Variants in NRXN3 observed in about 807,000 individuals in gnomAD.
The protein encoded by NRXN3 is neurexin III.
In NRXN3, 32 loss-of-function variants were observed where a neutral mutation model predicts 137.6. That is an observed-to-expected ratio of 0.23 (90% CI 0.18 to 0.31). The LOEUF (loss-of-function observed/expected upper bound fraction) is 0.31, where lower values mean the gene tolerates loss of function less well. Ranked by LOEUF, NRXN3 falls within the 10% of genes least tolerant of loss-of-function variation. The pLI, the probability that NRXN3 is intolerant of heterozygous loss-of-function variation, is 1.00. For missense variants in NRXN3, 1,574 were observed against 2,062.5 expected, an observed-to-expected ratio of 0.76 and a Z score of 4.59; for synonymous variants, 798 against 784.5, an observed-to-expected ratio of 1.02 and a Z score of -0.29.
chr14:78,541,409 C>T (rs2096588344), intron 4 of NRXN3, among the ~76,000 whole-genome samples: 1 of 152,148 alleles, frequency 6.6e-6, no homozygotes, highest in African/African-American at 2.4e-5. Flanking sequence ...ATTGAATCAG[C>T]TATTGAAACT....
intron 15 of NRXN3, among the ~76,000 whole-genome samples, chr14:79,214,718 T>C (rs957537845): frequency 6.6e-6 from 1 of 152,166 alleles, no homozygotes; most frequent in Admixed American, 6.6e-5. Context: ...TTGGTTTCCA[T>C]GGTGTTGTGT....
intron 15 of NRXN3, among the ~76,000 whole-genome samples, chr14:79,256,345 A>G (rs2076585401): frequency 6.6e-6 from 1 of 152,178 alleles, no homozygotes; most frequent in African/African-American, 2.4e-5. Flanking sequence ...CACTACTCCT[A>G]ATCATAATTA....
chr14:78,684,802 C>A (rs930462185), intron 6 of NRXN3, among the ~76,000 whole-genome samples: 1 of 152,176 alleles, frequency 6.6e-6, no homozygotes, highest in African/African-American at 2.4e-5. Flanking sequence ...TCAAAAACAA[C>A]AACAAAATAT....
chr14:78,771,543 A>T (rs771635139), intron 8 of NRXN3, among the ~76,000 whole-genome samples: 20 of 152,178 alleles, frequency 1.3e-4, no homozygotes, highest in Non-Finnish European at 2.5e-4. Context: ...AATGGTCAGA[A>T]TTGGGGAGGT....
intron 1 of NRXN3, among the ~76,000 whole-genome samples, chr14:78,228,159 T>G (rs1159835783): frequency 4.9e-5 from 7 of 143,978 alleles, no homozygotes; most frequent in African/African-American, 1.6e-4. Context: ...TTTTCTTTCT[T>G]TTTTTTTTTT....
chr14:78,191,028 G>A lies in NRXN3; in HGVS notation c.-704+20354G>A, dbSNP rs529579790. Reference sequence around the variant, plus strand: ...TCGATTTGTTTCTAACCAGGTAAGCGTCCTACATAAGGGAAGACAATGAAA... The same window carrying A: ...TCGATTTGTTTCTAACCAGGTAAGCATCCTACATAAGGGAAGACAATGAAA... On this transcript the variant is annotated intron_variant, in intron 1 of 20. Coordinates refer to ENST00000335750, the MANE Select transcript of NRXN3 (RefSeq NM_001330195.2). Among the ~76,000 whole-genome samples the A allele has an allele frequency of 2.0e-4, 30 of 152,184 alleles. No individual in the cohort carries two copies. The South Asian group carries it at 2.5e-3, about 13-fold the overall frequency.
intron 10 of NRXN3, among the ~76,000 whole-genome samples, chr14:78,861,448 AAAAT>A (rs2152528123): frequency 6.6e-6 from 1 of 152,244 alleles, no homozygotes; most frequent in African/African-American, 2.4e-5. Context: ...ATTTCCTTGA[AAAAT>A]AAATAAGAGT....
At chr14:79,484,223 GC>G (rs1428487308) in intron 16 of NRXN3, among the ~76,000 whole-genome samples, 1 of 152,084 alleles carries the variant, frequency 6.6e-6, no homozygotes, top group East Asian at 1.9e-4. Context: ...AGAAACAAAG[GC>G]TTTTCTTTCT....
chr14:78,433,701 G>C (rs2093968163), intron 4 of NRXN3, among the ~76,000 whole-genome samples: 1 of 152,118 alleles, frequency 6.6e-6, no homozygotes, highest in Non-Finnish European at 1.5e-5. Context: ...GCAGCAAGAA[G>C]GCCCTCCCAA....
chr14:79,030,049 C>CTTT (rs779570219), intron 15 of NRXN3, among the ~76,000 whole-genome samples: 4 of 128,058 alleles, frequency 3.1e-5, no homozygotes, highest in Non-Finnish European at 5.1e-5. Context: ...TTCTTTCTTT[C>CTTT]TTTTTTTTTT....
intron 15 of NRXN3, among the ~76,000 whole-genome samples, chr14:79,054,191 A>G (rs1419265815): frequency 1.3e-5 from 2 of 151,188 alleles, no homozygotes; most frequent in Admixed American, 6.6e-5. Context: ...GGATAGCATT[A>G]GGAGATATAT....
intron 4 of NRXN3, among the ~76,000 whole-genome samples, chr14:78,501,827 A>G (rs1173521297): frequency 2.0e-5 from 3 of 152,150 alleles, no homozygotes; most frequent in Non-Finnish European, 4.4e-5. Context: ...AAGGAATTAG[A>G]TGCCAAAACT....
At chr14:79,479,157 G>A (rs2096584852) in intron 16 of NRXN3, among the ~76,000 whole-genome samples, 1 of 152,112 alleles carries the variant, frequency 6.6e-6, no homozygotes, top group Non-Finnish European at 1.5e-5. Context: ...GCAAAAGGTA[G>A]TACTTAGGTT....
intron 10 of NRXN3, among the ~76,000 whole-genome samples, chr14:78,849,471 G>A (rs971191331): frequency 8.5e-5 from 13 of 152,154 alleles, no homozygotes; most frequent in African/African-American, 2.9e-4. Context: ...ACACCCAGGG[G>A]CCCTCCAACC....
At chr14:79,793,972 ATG>A (rs2099153345) in intron 19 of NRXN3, among the ~76,000 whole-genome samples, 1 of 152,140 alleles carries the variant, frequency 6.6e-6, no homozygotes, top group Non-Finnish European at 1.5e-5. Flanking sequence ...TTCTTGATGC[ATG>A]CACATTCTAC....
rs540652054 is a variant in NRXN3, at chr14:78,978,668, CA to C, written c.3143-9353del. Among the ~76,000 whole-genome samples, 38 of 148,838 alleles carry C rather than the reference CA, an allele frequency of 2.6e-4. 1 individual carries two copies. In the East Asian group the frequency reaches 4.5e-3, roughly 18 times the overall value. ...ACCCTCTGTATTAGTTAGGGTTCTC[CA>C]GAGAGGTATCATATATATCATATAT... On this transcript the variant is annotated intron_variant, in intron 14 of 20. Coordinates refer to ENST00000335750, the MANE Select transcript of NRXN3 (RefSeq NM_001330195.2).
intron 6 of NRXN3, among the ~76,000 whole-genome samples, chr14:78,680,644 A>T (rs2152741418): frequency 6.6e-6 from 1 of 152,288 alleles, no homozygotes; most frequent in Non-Finnish European, 1.5e-5. Context: ...TTTAACTTAT[A>T]GCAACTGAAA....
rs554034093 is a variant in NRXN3 at position 78,477,966 on chromosome 14, G to A, written c.758-167154G>A. Among the ~76,000 whole-genome samples, 25 of 151,984 alleles carry A rather than the reference G, an allele frequency of 1.6e-4. No homozygotes were observed. In the South Asian group the frequency reaches 3.5e-3, roughly 21 times the overall value. On this transcript the variant is annotated intron_variant, in intron 4 of 20. Transcript: ENST00000335750. ...CAGACTCATGTACACACACATACAC[G>A]CACACATAGTTGAGCCAATATGCTT...
intron 15 of NRXN3, among the ~76,000 whole-genome samples, chr14:79,152,646 G>A (rs1267275520): frequency 6.6e-6 from 1 of 151,918 alleles, no homozygotes; most frequent in Non-Finnish European, 1.5e-5. Context: ...TAGGGGAACT[G>A]CTGTTTATAA....
Sources: allele counts gnomAD v4.1 joint callset (sites outside exome capture counted in the v4.1 genomes callset), GRCh38; gene constraint gnomAD v4.1.1; transcripts MANE v1.5; gene names NCBI Gene and HGNC (gene_info 2026-07-23, HGNC 2026-07-21).